DNAJC16: variants seen among roughly 807,000 people sequenced by gnomAD.
DNAJC16 encodes DnaJ heat shock protein family (Hsp40) member C16, also known as dnaJ homolog subfamily C member 16.
In DNAJC16, 76 loss-of-function variants were observed where a neutral mutation model predicts 92.7. The observed-to-expected ratio is 0.82, with a 90% CI of 0.68 to 0.99. The LOEUF is 0.99. Ranked by LOEUF, DNAJC16 falls within the 50% of genes least tolerant of loss-of-function variation. The pLI is 0.00. For synonymous variants in DNAJC16, 328 were observed against 358.7 expected, an observed-to-expected ratio of 0.91 and a Z score of 0.97; for missense variants, 869 against 942.4, an observed-to-expected ratio of 0.92 and a Z score of 1.02.
Position 15,544,631 on chromosome 1 carries a change from A to G in DNAJC16, c.759+48A>G, listed in dbSNP as rs192722331. On this transcript the variant is annotated intron_variant, in intron 5 of 14. Transcript: ENST00000375847. ...ATGGCTGAGAAGTAGTTTAAGAGGT[A>G]CCTAGGACTGTTAATTGCCCAGAAC... 4.4e-6 allele frequency: 7 copies of G among 1,580,908 alleles called. No individual in the cohort carries two copies. In the Admixed American group the frequency reaches 1.0e-4, roughly 23 times the overall value.
At chr1:15,543,224 A>C (rs945057882) in intron 4 of DNAJC16, among the ~76,000 whole-genome samples, 2 of 152,214 alleles carry the variant, frequency 1.3e-5, no homozygotes, top group African/African-American at 4.8e-5. Flanking sequence ...ACGCTGTGGA[A>C]AAAGTTAAAG....
At chr1:15,566,949 C>A in intron 13 of DNAJC16, 150 bp from the exon 14 acceptor site, 1 of 649,482 alleles carries the variant, frequency 1.5e-6, no homozygotes, top group Non-Finnish European at 2.5e-6. Context: ...GTCAGGCCAT[C>A]CCCATCCTAC....
At chr1:15,529,545 A>T (rs1470527543) in intron 2 of DNAJC16, among the ~76,000 whole-genome samples, 3 of 152,216 alleles carry the variant, frequency 2.0e-5, no homozygotes, top group African/African-American at 7.2e-5. Flanking sequence ...TTAAAGTAAC[A>T]AGTTTTAATT....
At chr1:15,542,430 C>CA (rs1487009338) in intron 4 of DNAJC16, 1 of 152,260 alleles carries the variant, frequency 6.6e-6, no homozygotes. Flanking sequence ...AGGATGCTCC[C>CA]ACCCTTCCAT....
At chr1:15,542,619 G>A (rs573094104) in intron 4 of DNAJC16, among the ~76,000 whole-genome samples, 1 of 152,248 alleles carries the variant, frequency 6.6e-6, no homozygotes, top group Non-Finnish European at 1.5e-5. Flanking sequence ...TTGGTTGGAA[G>A]TACAGGACAC....
At chr1:15,563,663 TAAAAAAAAAAAAAA>T (rs57751838) in intron 9 of DNAJC16, among the ~76,000 whole-genome samples, 3 of 53,182 alleles carry the variant, frequency 5.6e-5, no homozygotes, top group African/African-American at 1.5e-4. Flanking sequence ...CCATCTCTAC[TAAAAAAAAAAAAAA>T]AAAAAAAAAA....
In DNAJC16 at chr1:15,536,663, GTATT is replaced by G. The variant is rs1370741741; in HGVS notation, c.428_431del (p.Leu143CysfsTer7). 6.2e-7 allele frequency: 1 copy of G among 1,614,054 alleles called. No individual in the cohort carries two copies. Among genetic ancestry groups the G allele is most frequent in the Non-Finnish European group, 8.5e-7 (1 of 1,180,002 alleles). On this transcript the variant is annotated frameshift_variant, in exon 4 of 15. Coordinates refer to ENST00000375847, the MANE Select transcript of DNAJC16 (RefSeq NM_015291.4). LOFTEE classifies it high-confidence loss of function. ...AACGGCGGGACTCAATTGACGAAAA[GTATT>G]TATTGCACTTTTCACATTATGTGAA...
chr1:15,550,542 C>T (rs533320769), intron 7 of DNAJC16, among the ~76,000 whole-genome samples: 4 of 152,266 alleles, frequency 2.6e-5, no homozygotes, highest in African/African-American at 9.6e-5. Flanking sequence ...CGTTGGTGGA[C>T]ATTGGGGGCT....
rs866850795 is a variant in DNAJC16 at position 15,559,637 on chromosome 1, C to T, written c.1135C>T (p.Arg379Trp). The change falls in exon 8 of 15, where the codon CGG becomes TGG. Residue 379 changes from arginine to tryptophan, a missense_variant. By Grantham distance (101) the Arg-to-Trp change is moderately radical. Coordinates refer to ENST00000375847, the MANE Select transcript of DNAJC16 (RefSeq NM_015291.4). Reference sequence around the variant, plus strand: ...GTTCCATGAACTCTGCCCTGTGAAACGGTCGCATCGACAGAGGAAGTAAGG... The same window carrying T: ...GTTCCATGAACTCTGCCCTGTGAAATGGTCGCATCGACAGAGGAAGTAAGG... ...KLFHELCPVK[R>W]SHRQRKYCVV... The T allele has an allele frequency of 9.3e-6, 15 of 1,613,992 alleles. No individual in the cohort carries two copies. Among genetic ancestry groups the T allele is most frequent in the African/African-American group, 2.7e-5 (2 of 74,912 alleles).
rs539615890 is a variant in DNAJC16, at chr1:15,544,383, C to T, written c.575-16C>T. 20 of 1,596,864 alleles carry T rather than the reference C, an allele frequency of 1.3e-5. No homozygotes were observed. The African/African-American group carries it at 2.7e-4, about 21-fold the overall frequency. ...AGACATAAAAAGGCTTCATTTGGAT[C>T]TTCCATTCTTTTCAGGTGTAGGAAT... On this transcript the variant is annotated splice_polypyrimidine_tract_variant and intron_variant, in intron 4 of 14. Transcript: ENST00000375847.
chr1:15,562,370 G>A, intron 9 of DNAJC16, 45 bp downstream of exon 9: 1 of 1,526,700 alleles, frequency 6.6e-7, no homozygotes, highest in Non-Finnish European at 8.9e-7. Context: ...TCATAACCAT[G>A]TGGCACTTGA....
At position 15,556,471 on chromosome 1, in the gene DNAJC16, G is replaced by A. The variant is rs578001366; in HGVS notation, c.1024-3055G>A. Among the ~76,000 whole-genome samples, 27 of 152,198 alleles carry A rather than the reference G, an allele frequency of 1.8e-4. No homozygotes were observed. In the South Asian group the frequency reaches 4.1e-3, roughly 23 times the overall value. Reference sequence around the variant, plus strand: ...CAGGCTGGTCTCAGGTGATCTGCCCGCCTCGGCCTCCCACTGTGCTGGGAT... The same window carrying A: ...CAGGCTGGTCTCAGGTGATCTGCCCACCTCGGCCTCCCACTGTGCTGGGAT... On this transcript the variant is annotated intron_variant, in intron 7 of 14. Transcript: ENST00000375847.
rs745407260 is a variant in DNAJC16, at chr1:15,548,347, A to C, written c.942A>C (p.Thr314=). 14 of 1,614,042 alleles carry C rather than the reference A, an allele frequency of 8.7e-6. No individual in the cohort carries two copies. The highest frequency in any genetic ancestry group is 1.7e-5 in the Admixed American group (1 of 59,998). The change falls in exon 7 of 15, where the codon ACA becomes ACC. Residue 314 remains threonine, a synonymous_variant. Transcript: ENST00000375847. The part of the protein sequence containing the change: ...YVGLRGTEEM[T]RRYNINIYAP... ...GTTTGAGAGGGACGGAAGAGATGAC[A>C]AGGCGGTACAACATCAATATCTACG...
intron 1 of DNAJC16, among the ~76,000 whole-genome samples, chr1:15,527,696 G>A (rs1710551171): frequency 6.6e-6 from 1 of 152,138 alleles, no homozygotes; most frequent in African/African-American, 2.4e-5. Flanking sequence ...TATTCAGCAC[G>A]TATGCAATTT....
chr1:15,527,217 T>C (rs1200252584), intron 1 of DNAJC16, among the ~76,000 whole-genome samples: 1 of 151,994 alleles, frequency 6.6e-6, no homozygotes, highest in Non-Finnish European at 1.5e-5. Context: ...TGGTCCTGGA[T>C]ATGCTGCCCA....
At chr1:15,546,204 C>T (rs1360276711) in intron 5 of DNAJC16, among the ~76,000 whole-genome samples, 1 of 152,068 alleles carries the variant, frequency 6.6e-6, no homozygotes, top group African/African-American at 2.4e-5. Flanking sequence ...ATTCAGGAGG[C>T]TGAGGTGGGA....
intron 7 of DNAJC16, among the ~76,000 whole-genome samples, chr1:15,555,352 A>C (rs1638543461): frequency 6.8e-6 from 1 of 148,018 alleles, no homozygotes. Context: ...GTGCCACTGC[A>C]CTCCAGCCTG....
At chr1:15,529,780 G>A (rs564415381) in intron 2 of DNAJC16, among the ~76,000 whole-genome samples, 65 of 151,968 alleles carry the variant, frequency 4.3e-4, no homozygotes, top group Non-Finnish European at 7.8e-4. Context: ...TATCCATGAG[G>A]TCTTGGTTCC....
At position 15,534,548 on chromosome 1, in the gene DNAJC16, CCT is replaced by C. The variant is rs371634028; in HGVS notation, c.234+246_234+247del. Among the ~76,000 whole-genome samples, 1,448 of 152,120 alleles carry C rather than the reference CCT, an allele frequency of 9.5e-3. 23 individuals carry two copies. Among genetic ancestry groups the C allele is most frequent in the African/African-American group, 0.032 (1,328 of 41,486 alleles). ...ACCAGCCTGACCAACATGCTGAAAC[CCT>C]GTCTTTACTAAAAATACAAAAAAAA... is the stretch of plus-strand genomic sequence containing the variant. On this transcript the variant is annotated intron_variant, in intron 3 of 14. Coordinates refer to ENST00000375847, the MANE Select transcript of DNAJC16 (RefSeq NM_015291.4).
Sources: allele counts gnomAD v4.1 joint callset (sites outside exome capture counted in the v4.1 genomes callset), GRCh38; gene constraint gnomAD v4.1.1; transcripts MANE v1.5; gene names NCBI Gene and HGNC (gene_info 2026-07-23, HGNC 2026-07-21).